PPP4R2: variants seen among roughly 807,000 people sequenced by gnomAD.
The protein encoded by PPP4R2 is protein phosphatase 4 regulatory subunit 2.
PPP4R2 carries 13 observed loss-of-function variants against 47.2 expected under a neutral mutation model. That is an observed-to-expected ratio of 0.28 (90% CI 0.18 to 0.44). The LOEUF (loss-of-function observed/expected upper bound fraction) is 0.44, where lower values mean the gene tolerates loss of function less well. PPP4R2 is among the 20% of genes least tolerant of loss of function. PPP4R2 has a pLI of 1.00. For synonymous variants in PPP4R2, 151 were observed against 163.3 expected, an observed-to-expected ratio of 0.92 and a Z score of 0.57; for missense variants, 421 against 491.2, an observed-to-expected ratio of 0.86 and a Z score of 1.35.
intron 3 of PPP4R2, among the ~76,000 whole-genome samples, chr3:73,054,321 T>A (rs1404968263): frequency 6.6e-6 from 1 of 152,226 alleles, no homozygotes; most frequent in African/African-American, 2.4e-5. Flanking sequence ...TATTTATGAA[T>A]GTGTATGTTT....
chr3:73,042,671 A>G (rs1483380222), intron 2 of PPP4R2, among the ~76,000 whole-genome samples: 1 of 152,054 alleles, frequency 6.6e-6, no homozygotes, highest in African/African-American at 2.4e-5. Flanking sequence ...CCCCTGAATT[A>G]TATAACTTTT....
At chr3:73,011,121 G>C (rs980360185) in intron 2 of PPP4R2, among the ~76,000 whole-genome samples, 1 of 152,180 alleles carries the variant, frequency 6.6e-6, no homozygotes, top group African/African-American at 2.4e-5. Context: ...CCCTTGTTCA[G>C]TTGTCTTACA....
At chr3:73,028,869 AT>A (rs547707088) in intron 2 of PPP4R2, among the ~76,000 whole-genome samples, 191 of 152,258 alleles carry the variant, frequency 1.3e-3, no homozygotes, top group African/African-American at 4.5e-3. Flanking sequence ...GGTAAAGGGA[AT>A]GGGGGAAATA....
At chr3:73,059,495 G>A (rs1388208332) in intron 4 of PPP4R2, among the ~76,000 whole-genome samples, 1 of 152,156 alleles carries the variant, frequency 6.6e-6, no homozygotes, top group Non-Finnish European at 1.5e-5. Flanking sequence ...GGAGTTCAAA[G>A]GTACATAACT....
intron 2 of PPP4R2, among the ~76,000 whole-genome samples, chr3:73,032,875 A>G (rs1340475677): frequency 1.3e-5 from 2 of 152,002 alleles, no homozygotes; most frequent in East Asian, 3.9e-4. Flanking sequence ...GACTAATTCA[A>G]CCCCAAATTT....
intron 2 of PPP4R2, among the ~76,000 whole-genome samples, chr3:73,004,696 T>C (rs1205330832): frequency 2.6e-5 from 4 of 152,132 alleles, no homozygotes; most frequent in Non-Finnish European, 4.4e-5. Flanking sequence ...CTGCCCACTT[T>C]GTTGGCCTCT....
intron 2 of PPP4R2, among the ~76,000 whole-genome samples, chr3:73,001,541 T>C (rs757424133): frequency 3.7e-4 from 57 of 152,206 alleles, no homozygotes; most frequent in Non-Finnish European, 7.9e-4. Flanking sequence ...GCCACAGCAC[T>C]CCAGTCTGGG....
chr3:73,015,974 T>C (rs1377262177), intron 2 of PPP4R2: 2 of 209,640 alleles, frequency 9.5e-6, no homozygotes, highest in Non-Finnish European at 2.0e-5. Context: ...CACCATGTTA[T>C]CCAGGCTGGT....
intron 3 of PPP4R2, among the ~76,000 whole-genome samples, chr3:73,050,936 CAG>C (rs1362046846): frequency 2.6e-5 from 4 of 151,902 alleles, no homozygotes; most frequent in African/African-American, 4.8e-5. Context: ...TTTCTGGAGA[CAG>C]AGTTTCGCTC....
Position 73,042,056 on chromosome 3 carries a change from C to G in PPP4R2, c.117-5130C>G, listed in dbSNP as rs1257558223. ...AAAAAGGAAGTGAAGGGAGGTGAAG[C>G]TACTTAGTTAATGGTGATTAATTTC... On this transcript the variant is annotated intron_variant, in intron 2 of 8. Coordinates refer to ENST00000356692, the MANE Select transcript of PPP4R2 (RefSeq NM_174907.4). Among the ~76,000 whole-genome samples, 3 of 152,056 alleles carry G rather than the reference C, an allele frequency of 2.0e-5. No individual in the cohort carries two copies. In the East Asian group the frequency reaches 5.8e-4, roughly 29 times the overall value.
In PPP4R2 at chr3:73,068,044, T is replaced by C. The variant is rs1703036399; in HGVS notation, c.*2322T>C. The C allele has an allele frequency of 6.6e-6, 1 of 152,178 alleles. No homozygotes were observed. The highest frequency in any genetic ancestry group is 1.5e-5 in the Non-Finnish European group (1 of 68,014). The allele number at this position is 152,178 out of a possible 1,614,324, so 9.4% of individuals were successfully genotyped here. A position where few individuals can be genotyped will look rare whatever the true frequency, so the allele number is the denominator to read the frequency against. On this transcript the variant is annotated 3_prime_UTR_variant, in exon 9 of 9. Transcript: ENST00000356692. Reference sequence around the variant, plus strand: ...TAGGTGGAATACTTCTGTAGTTAAATTGGGAAACCTTGTTCAGCTGGTTTT... The same window carrying C: ...TAGGTGGAATACTTCTGTAGTTAAACTGGGAAACCTTGTTCAGCTGGTTTT...
chr3:73,006,378 T>C (rs1272379911), intron 2 of PPP4R2, among the ~76,000 whole-genome samples: 1 of 151,870 alleles, frequency 6.6e-6, no homozygotes, highest in Non-Finnish European at 1.5e-5. Flanking sequence ...TTTGTATTTT[T>C]AGTAGAGACG....
In PPP4R2 at chr3:73,007,219, G is replaced by A. The variant is rs58464572; in HGVS notation, c.116+9061G>A. On this transcript the variant is annotated intron_variant, in intron 2 of 8. Transcript: ENST00000356692. ...ACAGTGCTTGGTATGCAGAGTAAAT[G>A]CTTGATAATAATACTCGTTGTTATG... Among the ~76,000 whole-genome samples the A allele has an allele frequency of 8.2e-4, 125 of 152,258 alleles. 3 individuals carry two copies. The East Asian group carries it at 0.02, about 24-fold the overall frequency.
chr3:73,020,314 G>GCAA (rs2107250286), intron 2 of PPP4R2, among the ~76,000 whole-genome samples: 1 of 152,214 alleles, frequency 6.6e-6, no homozygotes, highest in African/African-American at 2.4e-5. Context: ...TCAGCCTCCT[G>GCAA]AGTAGCTGAG....
At position 73,039,863 on chromosome 3, in the gene PPP4R2, G is replaced by T. The variant is rs559591750; in HGVS notation, c.117-7323G>T. On this transcript the variant is annotated intron_variant, in intron 2 of 8. Transcript: ENST00000356692. ...AGTGTCAGGAGTTTGAGACCAGCCTGGCCAACATGGCGAAACACCGTCTCT... is the reference window on the plus strand; with the variant it reads ...AGTGTCAGGAGTTTGAGACCAGCCTTGCCAACATGGCGAAACACCGTCTCT... Among the ~76,000 whole-genome samples, 14 of 152,268 alleles carry T rather than the reference G, an allele frequency of 9.2e-5. No individual in the cohort carries two copies. The South Asian group carries it at 2.9e-3, about 32-fold the overall frequency.
chr3:73,002,321 G>A (rs1701484340), intron 2 of PPP4R2, among the ~76,000 whole-genome samples: 2 of 152,220 alleles, frequency 1.3e-5, no homozygotes, highest in African/African-American at 4.8e-5. Context: ...CTCAGTCATA[G>A]CTCACTGCAA....
Position 73,066,277 on chromosome 3 carries a change from A to G in PPP4R2, c.*555A>G, listed in dbSNP as rs1410875268. On this transcript the variant is annotated 3_prime_UTR_variant, in exon 9 of 9. Coordinates refer to ENST00000356692, the MANE Select transcript of PPP4R2 (RefSeq NM_174907.4). ...ATATATATATAATTCTAAGGGGGGA[A>G]ATGTTATATTTTTCTGTTTCTATAA... The G allele has an allele frequency of 7.1e-6, 1 of 140,144 alleles. No individual in the cohort carries two copies. The highest frequency in any genetic ancestry group is 7.3e-5 in the Admixed American group (1 of 13,788). 8.7% of individuals were successfully genotyped at this position (140,144 alleles called of 1,614,324 possible). A position where few individuals can be genotyped will look rare whatever the true frequency, so the allele number is the denominator to read the frequency against.
At chr3:73,046,038 T>C (rs1702479662) in intron 2 of PPP4R2, among the ~76,000 whole-genome samples, 1 of 152,216 alleles carries the variant, frequency 6.6e-6, no homozygotes, top group Non-Finnish European at 1.5e-5. Context: ...ATTAGTAATT[T>C]TTATATCTTT....
chr3:73,051,479 CT>C (rs1255202234), intron 3 of PPP4R2, among the ~76,000 whole-genome samples: 1 of 152,020 alleles, frequency 6.6e-6, no homozygotes, highest in African/African-American at 2.4e-5. Flanking sequence ...TTTTGACTTT[CT>C]TTTGCTAATT....
Sources: gnomAD v4.1 joint callset for allele counts (sites outside exome capture counted in the v4.1 genomes callset) on GRCh38, gnomAD v4.1.1 for gene constraint, MANE v1.5 for transcripts, NCBI Gene and HGNC (gene_info 2026-07-23, HGNC 2026-07-21) for gene names.